The following DEUP1 variants were observed in gnomAD, a reference collection of about 807,000 sequenced individuals.
The protein encoded by DEUP1 is coiled-coil domain containing 67.
DEUP1 carries 82 observed loss-of-function variants against 87.4 expected under a neutral mutation model. The observed-to-expected ratio is 0.94, with a 90% confidence interval of 0.78 to 1.13. DEUP1 has a LOEUF of 1.13. Among genes scored for constraint, DEUP1 ranks in the 50% most tolerant of loss-of-function variants. DEUP1 has a pLI of 0.00. For missense variants in DEUP1, 663 were observed against 681.5 expected (o/e 0.97, Z 0.30); for synonymous variants, 214 against 222.7 (o/e 0.96, Z 0.35).
rs550851882 is a variant in DEUP1 at position 93,355,610 on chromosome 11, A to T, written c.201+68A>T. The T allele has an allele frequency of 2.6e-5, 36 of 1,367,682 alleles. No homozygotes were observed. In the South Asian group the frequency reaches 4.9e-4, roughly 19 times the overall value. The allele number at this position is 1,367,682 out of a possible 1,614,324, so 84.7% of individuals were successfully genotyped here. A position where few individuals can be genotyped will look rare whatever the true frequency, so the allele number is the denominator to read the frequency against. Reference sequence around the variant, plus strand: ...GTTACATATAGTATTCTATCAGAATATGTTTTTATTATACATACTTTTTAT... The same window carrying T: ...GTTACATATAGTATTCTATCAGAATTTGTTTTTATTATACATACTTTTTAT... On this transcript the variant is annotated intron_variant, in intron 3 of 13. Coordinates refer to ENST00000298050, the MANE Select transcript of DEUP1 (RefSeq NM_181645.4).
rs555061898 is a variant in DEUP1 at position 93,353,740 on chromosome 11, C to T, written c.30-1631C>T. ...GGGCTTCTATCCTCTGAAGCCACAG[C>T]CCAAGCTCTACATTGGCCCCTTTTA... is the stretch of plus-strand genomic sequence containing the variant. On this transcript the variant is annotated intron_variant, in intron 2 of 13. Coordinates refer to ENST00000298050, the MANE Select transcript of DEUP1 (RefSeq NM_181645.4). Among the ~76,000 whole-genome samples, 4 of 152,362 alleles carry T rather than the reference C, an allele frequency of 2.6e-5. No individual in the cohort carries two copies. In the East Asian group the frequency reaches 7.7e-4, roughly 29 times the overall value.
intron 9 of DEUP1, 114 bp downstream of exon 9, chr11:93,389,239 T>G: frequency 1.5e-6 from 1 of 671,924 alleles, no homozygotes; most frequent in Non-Finnish European, 2.6e-6. Context: ...TGTATTTTTT[T>G]GTAAGGTGAT....
chr11:93,369,992 T>C, intron 5 of DEUP1, 81 bp from the exon 6 acceptor site: 1 of 695,524 alleles, frequency 1.4e-6, no homozygotes, highest in Non-Finnish European at 2.5e-6. Flanking sequence ...AATGAAGATG[T>C]ACAAATGAAA....
At position 93,355,413 on chromosome 11, in the gene DEUP1, A is replaced by G. The variant is rs1430485881; in HGVS notation, c.72A>G (p.Gln24=). 2 of 1,613,790 alleles carry G rather than the reference A, an allele frequency of 1.2e-6. No homozygotes were observed. Among genetic ancestry groups the G allele is most frequent in the Non-Finnish European group, 1.7e-6 (2 of 1,179,760 alleles). The change falls in exon 3 of 14, where the codon CAA becomes CAG. Residue 24 remains glutamine, a synonymous_variant. Coordinates refer to ENST00000298050, the MANE Select transcript of DEUP1 (RefSeq NM_181645.4). ...CTGAGCTTCAGGAATTAATGGAACAAATTGACATCATGGTAAGCAACAAGA... is the reference window on the plus strand; with the variant it reads ...CTGAGCTTCAGGAATTAATGGAACAGATTGACATCATGGTAAGCAACAAGA... ...CEAELQELME[Q]IDIMVSNKKM...
At chr11:93,332,026 G>A (rs1467799790) in intron 1 of DEUP1, among the ~76,000 whole-genome samples, 190 bp from the exon 2 acceptor site, 1 of 152,136 alleles carries the variant, frequency 6.6e-6, no homozygotes, top group Non-Finnish European at 1.5e-5. Flanking sequence ...GGGCCACAGA[G>A]CTAGACTCCG....
chr11:93,366,514 C>T (rs1945424367), intron 5 of DEUP1, among the ~76,000 whole-genome samples: 1 of 152,078 alleles, frequency 6.6e-6, no homozygotes, highest in African/African-American at 2.4e-5. Flanking sequence ...TGAAGCCTAT[C>T]GTGACAACTC....
chr11:93,333,877 G>A (rs1234358266), intron 2 of DEUP1, among the ~76,000 whole-genome samples: 1 of 152,158 alleles, frequency 6.6e-6, no homozygotes, highest in Non-Finnish European at 1.5e-5. Flanking sequence ...TATGTGTTGG[G>A]TCCCTGGTGT....
At chr11:93,331,676 A>G (rs1943488942) in intron 1 of DEUP1, among the ~76,000 whole-genome samples, 1 of 152,224 alleles carries the variant, frequency 6.6e-6, no homozygotes, top group African/African-American at 2.4e-5. Flanking sequence ...GTTTGCGAAC[A>G]ACGTAGTACA....
chr11:93,368,069 C>T (rs889935827), intron 5 of DEUP1, among the ~76,000 whole-genome samples: 1 of 152,218 alleles, frequency 6.6e-6, no homozygotes, highest in African/African-American at 2.4e-5. Context: ...ATCCTTTGCT[C>T]ATGTTATTAA....
chr11:93,363,150 C>A (rs1945254745), intron 4 of DEUP1, among the ~76,000 whole-genome samples: 1 of 151,756 alleles, frequency 6.6e-6, no homozygotes, highest in Non-Finnish European at 1.5e-5. Flanking sequence ...TGTATGATTT[C>A]TTTTTATAAC....
chr11:93,420,406 C>A (rs1224559042), intron 13 of DEUP1, among the ~76,000 whole-genome samples: 3 of 152,178 alleles, frequency 2.0e-5, no homozygotes, highest in Non-Finnish European at 4.4e-5. Flanking sequence ...ATTCATGGGA[C>A]GTATCTCAAA....
At chr11:93,353,429 T>C (rs1944730224) in intron 2 of DEUP1, among the ~76,000 whole-genome samples, 1 of 152,060 alleles carries the variant, frequency 6.6e-6, no homozygotes, top group South Asian at 2.1e-4. Context: ...ACAGTGCAAG[T>C]TGTTGGATCT....
intron 8 of DEUP1, among the ~76,000 whole-genome samples, 165 bp from the exon 9 acceptor site, chr11:93,388,855 A>G: frequency 6.6e-6 from 1 of 152,160 alleles, no homozygotes; most frequent in East Asian, 1.9e-4. Flanking sequence ...GTAAATACTT[A>G]TGGGATCTGA....
chr11:93,384,464 T>C (rs1341476717), intron 7 of DEUP1, among the ~76,000 whole-genome samples: 2 of 152,204 alleles, frequency 1.3e-5, no homozygotes, highest in Non-Finnish European at 2.9e-5. Flanking sequence ...GGTCATCCTA[T>C]CCACCTTCTT....
At chr11:93,432,532 T>C (rs945397934) in intron 13 of DEUP1, among the ~76,000 whole-genome samples, 2 of 152,194 alleles carry the variant, frequency 1.3e-5, no homozygotes, top group Admixed American at 6.5e-5. Context: ...CCCCAACCTG[T>C]TGGCTCCAGC....
Position 93,339,126 on chromosome 11 carries a change from T to C in DEUP1, c.29+6838T>C, listed in dbSNP as rs140879483. ...GAAGATACATTTGGCTATTATTCCCTGTTTCCTCTAAAAGCAATTATTAAG... is the reference window on the plus strand; with the variant it reads ...GAAGATACATTTGGCTATTATTCCCCGTTTCCTCTAAAAGCAATTATTAAG... On this transcript the variant is annotated intron_variant, in intron 2 of 13. Transcript: ENST00000298050. 2.8e-3 allele frequency among the ~76,000 whole-genome samples: 423 copies of C among 152,370 alleles called. 2 individuals carry two copies. The highest frequency in any genetic ancestry group is 4.0e-3 in the Non-Finnish European group (269 of 68,032).
intron 12 of DEUP1, among the ~76,000 whole-genome samples, chr11:93,410,156 A>G (rs1947395061): frequency 6.6e-6 from 1 of 152,210 alleles, no homozygotes; most frequent in Non-Finnish European, 1.5e-5. Context: ...AGAAGGATAT[A>G]TTGTAGCCCC....
At chr11:93,413,053 A>T (rs943962374) in intron 12 of DEUP1, among the ~76,000 whole-genome samples, 5 of 152,218 alleles carry the variant, frequency 3.3e-5, no homozygotes, top group African/African-American at 1.2e-4. Context: ...ATAATAAGAA[A>T]CAAGTCTGTA....
intron 2 of DEUP1, among the ~76,000 whole-genome samples, chr11:93,344,595 G>T (rs1427471930): frequency 6.6e-6 from 1 of 151,694 alleles, no homozygotes; most frequent in Non-Finnish European, 1.5e-5. Context: ...TTCTATTTTA[G>T]ATATCTCATG....
Sources: gnomAD v4.1 joint callset for allele counts (sites outside exome capture counted in the v4.1 genomes callset) on GRCh38, gnomAD v4.1.1 for gene constraint, MANE v1.5 for transcripts, NCBI Gene and HGNC (gene_info 2026-07-23, HGNC 2026-07-21) for gene names.